Variants in AQP7B observed in about 807,000 individuals in gnomAD.
AQP7B encodes putative aquaporin-7B.
At chr2:94,591,667 C>T in the AQP7B span, among the ~76,000 whole-genome samples, 1 of 152,130 alleles carries the variant, frequency 6.6e-6, no homozygotes, top group Admixed American at 6.5e-5. Context: ...CCATCTCATG[C>T]CACCTCCACT....
chr2:94,598,257 G>A, the AQP7B span, among the ~76,000 whole-genome samples: 1 of 152,194 alleles, frequency 6.6e-6, no homozygotes, highest in Non-Finnish European at 1.5e-5. Context: ...AGTCACCAGG[G>A]TGAAGGTTTT....
the AQP7B span, among the ~76,000 whole-genome samples, chr2:94,596,469 G>T: frequency 0.012 from 1,822 of 152,278 alleles, 39 homozygotes; most frequent in African/African-American, 0.042. Context: ...GTGTGTGGTG[G>T]GGCCCATGGA....
At chr2:94,597,884 C>T in the AQP7B span, among the ~76,000 whole-genome samples, 1 of 152,152 alleles carries the variant, frequency 6.6e-6, no homozygotes, top group South Asian at 2.1e-4. Flanking sequence ...GGATTACAGG[C>T]ATGAGTCACC....
chr2:94,596,742 T>C, the AQP7B span, among the ~76,000 whole-genome samples: 3 of 152,160 alleles, frequency 2.0e-5, no homozygotes, highest in African/African-American at 7.2e-5. Flanking sequence ...CTCTGTCTCC[T>C]AGGATGGATT....
chr2:94,588,826 C>A, the AQP7B span, among the ~76,000 whole-genome samples: 9 of 151,740 alleles, frequency 5.9e-5, no homozygotes, highest in African/African-American at 2.2e-4. Flanking sequence ...GCACCTCTCA[C>A]CCTCTCAGGC....
At chr2:94,596,250 C>T in the AQP7B span, among the ~76,000 whole-genome samples, 1 of 152,218 alleles carries the variant, frequency 6.6e-6, no homozygotes, top group African/African-American at 2.4e-5. Flanking sequence ...ATCCAGACTG[C>T]AGGCAGGATG....
At chr2:94,604,276 T>G in the AQP7B span, 1 of 1,590,754 alleles carries the variant, frequency 6.3e-7, no homozygotes, top group South Asian at 1.1e-5. Flanking sequence ...GGCCTCTGCC[T>G]CTTGCCTGCA....
At chr2:94,597,245 C>T in the AQP7B span, among the ~76,000 whole-genome samples, 1 of 152,186 alleles carries the variant, frequency 6.6e-6, no homozygotes, top group Non-Finnish European at 1.5e-5. Flanking sequence ...AATTCACTTA[C>T]CACAAGACAT....
chr2:94,591,617 C>T, the AQP7B span, among the ~76,000 whole-genome samples: 3 of 152,186 alleles, frequency 2.0e-5, no homozygotes, highest in Non-Finnish European at 2.9e-5. Context: ...CTAATGTGGG[C>T]CATGAGGCCT....
the AQP7B span, among the ~76,000 whole-genome samples, chr2:94,592,403 A>C: frequency 1.3e-5 from 2 of 152,148 alleles, no homozygotes; most frequent in Non-Finnish European, 2.9e-5. Flanking sequence ...TCCTTACCCC[A>C]GAGAAACAAA....
At chr2:94,592,282 G>A in the AQP7B span, among the ~76,000 whole-genome samples, 7 of 152,246 alleles carry the variant, frequency 4.6e-5, no homozygotes, top group East Asian at 1.4e-3. Flanking sequence ...CCTCGCAGCA[G>A]CAAAAAGTAA....
the AQP7B span, chr2:94,594,963 C>A: frequency 1.1e-5 from 8 of 732,848 alleles, no homozygotes; most frequent in African/African-American, 1.8e-5. Flanking sequence ...TCACATTGTC[C>A]ATTCCTTGCC....
chr2:94,591,199 C>A, the AQP7B span, among the ~76,000 whole-genome samples: 1 of 152,054 alleles, frequency 6.6e-6, no homozygotes, highest in Non-Finnish European at 1.5e-5. Flanking sequence ...AGTGAGACCA[C>A]ATGACCAGCT....
At chr2:94,600,843 C>T in the AQP7B span, among the ~76,000 whole-genome samples, 1 of 150,514 alleles carries the variant, frequency 6.6e-6, no homozygotes, top group Non-Finnish European at 1.5e-5. Context: ...TGCACCATTG[C>T]ACTCCGGCTT....
the AQP7B span, among the ~76,000 whole-genome samples, chr2:94,599,240 C>T: frequency 6.8e-4 from 104 of 152,172 alleles, no homozygotes; most frequent in East Asian, 0.018. Context: ...GTCCTGACCT[C>T]ACTCCCCCCG....
At chr2:94,604,618 C>T in the AQP7B span, 8 of 1,510,588 alleles carry the variant, frequency 5.3e-6, no homozygotes, top group African/African-American at 1.1e-4. Context: ...TAAAGCAAAG[C>T]TTGTCCCACA....
the AQP7B span, among the ~76,000 whole-genome samples, chr2:94,589,174 T>C: frequency 6.6e-6 from 1 of 151,484 alleles, no homozygotes; most frequent in African/African-American, 2.4e-5. Flanking sequence ...GTTGTTTTTT[T>C]TTTTTTGTAT....
chr2:94,604,338 C>T, the AQP7B span: 11 of 1,610,844 alleles, frequency 6.8e-6, no homozygotes, highest in Non-Finnish European at 9.3e-6. Flanking sequence ...CTTCTGGGTG[C>T]CTCTCTAGGT....
At chr2:94,589,222 TG>T in the AQP7B span, among the ~76,000 whole-genome samples, 1 of 151,670 alleles carries the variant, frequency 6.6e-6, no homozygotes, top group East Asian at 1.9e-4. Context: ...TTCGCCAGGC[TG>T]TTCTTGAACT....
Sources: allele counts gnomAD v4.1 joint callset (sites outside exome capture counted in the v4.1 genomes callset), GRCh38; gene constraint gnomAD v4.1.1; transcripts MANE v1.5; gene names NCBI Gene and HGNC (gene_info 2026-07-23, HGNC 2026-07-21).